The following CMTM4 variants were observed in gnomAD, a reference collection of about 807,000 sequenced individuals.
The protein encoded by CMTM4 is CKLF-like MARVEL transmembrane domain-containing protein 4.
In CMTM4, 8 loss-of-function variants were observed where a neutral mutation model predicts 19.0. That is an observed-to-expected ratio of 0.42 (90% CI 0.25 to 0.76). The LOEUF is 0.76. Ranked by LOEUF, CMTM4 falls within the 30% of genes least tolerant of loss-of-function variation. The pLI, the probability that CMTM4 is intolerant of heterozygous loss-of-function variation, is 0.27. For synonymous variants in CMTM4, 106 were observed against 121.1 expected (o/e 0.88, Z 0.82); for missense variants, 228 against 290.2 (o/e 0.79, Z 1.56).
At position 66,623,428 on chromosome 16, in the gene CMTM4, T is replaced by C; in HGVS notation, c.438A>G (p.Arg146=). 6.2e-7 allele frequency: 1 copy of C among 1,613,914 alleles called. No homozygotes were observed. The highest frequency in any genetic ancestry group is 8.5e-7 in the Non-Finnish European group (1 of 1,179,928). The part of the protein sequence containing the change: ...ASIVLAALNH[R]AGAEIAAVIF... Reference sequence around the variant, plus strand: ...CCACGGCAGCAATTTCTGCTCCGGCTCTATGGTTTAAAGCAGCCAGTACGA... The same window carrying C: ...CCACGGCAGCAATTTCTGCTCCGGCCCTATGGTTTAAAGCAGCCAGTACGA... The change falls in exon 3 of 4, where the codon AGA becomes AGG. Residue 146 remains arginine (R), a synonymous_variant. Transcript: ENST00000394106.
the CMTM4 span, chr16:66,604,817 A>AGACCCC: frequency 1.6e-4 from 201 of 1,282,200 alleles, 1 homozygote; most frequent in Non-Finnish European, 1.9e-4. Flanking sequence ...TGTGGCCCCC[A>AGACCCC]GACCCCGACC....
In CMTM4 at chr16:66,665,138, G is replaced by A. The variant is rs566878953; in HGVS notation, c.187-28557C>T. Among the ~76,000 whole-genome samples the A allele has an allele frequency of 2.3e-4, 35 of 151,434 alleles. No individual in the cohort carries two copies. In the South Asian group the frequency reaches 3.5e-3, roughly 15 times the overall value. On this transcript the variant is annotated intron_variant, in intron 1 of 3. Transcript: ENST00000394106. ...GTTTTGGTATTTTTTTGTAGAGACA[G>A]GGTTTTGCCACGTTGTCCAGGCTGG...
intron 1 of CMTM4, among the ~76,000 whole-genome samples, chr16:66,683,464 TG>T (rs1046383891): frequency 2.0e-5 from 3 of 150,666 alleles, no homozygotes; most frequent in Non-Finnish European, 3.0e-5. Flanking sequence ...GCTAATTTTT[TG>T]TATTTGCAAT....
At chr16:66,613,922 A>T (rs1463034444), downstream of CMTM4, 1 of 114,172 alleles carries the variant, frequency 8.8e-6, no homozygotes, top group African/African-American at 3.4e-5. Context: ...TTTTGGCACC[A>T]GGGACCAGTT....
chr16:66,609,930 G>A (rs779794941), downstream of CMTM4: 46 of 1,614,030 alleles, frequency 2.9e-5, 1 homozygote, highest in East Asian at 1.0e-3. The surrounding 1 kb of genome is among the most constrained non-coding windows in gnomAD (Gnocchi z 4.4). Flanking sequence ...ATTTCTACCT[G>A]ATCTTTAACG....
At chr16:66,630,906 C>G (rs1448345744) in intron 2 of CMTM4, among the ~76,000 whole-genome samples, 1 of 148,164 alleles carries the variant, frequency 6.7e-6, no homozygotes, top group South Asian at 2.2e-4. Context: ...GCCTCTGCCC[C>G]GCCGCCCCGT....
At chr16:66,631,129 C>T (rs1402887683) in intron 2 of CMTM4, among the ~76,000 whole-genome samples, 2 of 141,334 alleles carry the variant, frequency 1.4e-5, no homozygotes, top group East Asian at 2.4e-4. Context: ...AAGTGAGGAG[C>T]GTCTCTGCCC....
At chr16:66,690,808 G>A (rs1272138256) in intron 1 of CMTM4, among the ~76,000 whole-genome samples, 1 of 152,096 alleles carries the variant, frequency 6.6e-6, no homozygotes, top group Non-Finnish European at 1.5e-5. Flanking sequence ...GCTAAAATTT[G>A]CATTTAAACA....
chr16:66,616,307 G>A lies in CMTM4; in HGVS notation c.*5751C>T, dbSNP rs776844192. The A allele has an allele frequency of 2.6e-5, 4 of 152,108 alleles. No individual in the cohort carries two copies. Among genetic ancestry groups the A allele is most frequent in the Non-Finnish European group, 5.9e-5 (4 of 68,022 alleles). The allele number at this position is 152,108 out of a possible 1,614,324, so 9.4% of individuals were successfully genotyped here. A position where few individuals can be genotyped will look rare whatever the true frequency, so the allele number is the denominator to read the frequency against. ...CTTTGAAAAAAAAATAGTCATACTT[G>A]TAAATAAATAGTTTAGTGTTTCTGC... is the stretch of plus-strand genomic sequence containing the variant. On this transcript the variant is annotated 3_prime_UTR_variant, in exon 4 of 4. Transcript: ENST00000394106.
intron 1 of CMTM4, among the ~76,000 whole-genome samples, chr16:66,683,416 C>T (rs1029063225): frequency 2.0e-4 from 30 of 148,276 alleles, no homozygotes; most frequent in African/African-American, 7.5e-4. Context: ...CTCAGCCTCC[C>T]GAGCAGCTGG....
intron 1 of CMTM4, among the ~76,000 whole-genome samples, chr16:66,649,722 C>A (rs905989317): frequency 3.3e-5 from 5 of 152,142 alleles, no homozygotes; most frequent in African/African-American, 1.2e-4. Context: ...GAGTCAGGTC[C>A]AGAGCCCGAC....
downstream of CMTM4, chr16:66,612,460 T>C (rs2015415279): frequency 5.5e-6 from 4 of 726,222 alleles, no homozygotes; most frequent in East Asian, 1.1e-4. This position sits in a 1 kb window ranked among gnomAD's most constrained non-coding sequence, Gnocchi z 6.0. Context: ...CCTGCCCTGA[T>C]GCCAGCGATC....
At chr16:66,628,960 AG>A (rs1373698239) in intron 2 of CMTM4, among the ~76,000 whole-genome samples, 6 of 152,300 alleles carry the variant, frequency 3.9e-5, no homozygotes, top group African/African-American at 1.4e-4. Flanking sequence ...TTGGGTCATC[AG>A]ATGATTTTTT....
chr16:66,676,770 T>A (rs556227834), intron 1 of CMTM4, among the ~76,000 whole-genome samples: 1 of 152,344 alleles, frequency 6.6e-6, no homozygotes, highest in East Asian at 1.9e-4. Context: ...TACCAAGTGA[T>A]CACCACTGTG....
chr16:66,686,079 CCT>C (rs2017025432), intron 1 of CMTM4, among the ~76,000 whole-genome samples: 2 of 152,006 alleles, frequency 1.3e-5, no homozygotes, highest in Admixed American at 1.3e-4. Context: ...ATGGTGAAAC[CCT>C]GTCTCTACTA....
intron 2 of CMTM4, among the ~76,000 whole-genome samples, chr16:66,627,572 T>A (rs1039171492): frequency 1.3e-5 from 2 of 152,156 alleles, no homozygotes; most frequent in African/African-American, 4.8e-5. Context: ...TTCTCATTCC[T>A]CCCCCAACCC....
intron 1 of CMTM4, among the ~76,000 whole-genome samples, chr16:66,657,515 C>A (rs937026282): frequency 2.0e-5 from 3 of 152,068 alleles, no homozygotes; most frequent in Non-Finnish European, 2.9e-5. Context: ...TTAAAATATT[C>A]TATAAATATA....
Position 66,631,130 on chromosome 16 carries a change from G to A in CMTM4, c.363+5275C>T, listed in dbSNP as rs1393458830. Among the ~76,000 whole-genome samples the A allele has an allele frequency of 7.1e-5, 10 of 140,126 alleles. No homozygotes were observed. In the East Asian group the frequency reaches 9.9e-4, roughly 14 times the overall value. The allele number at this position is 140,126 out of a possible 152,430, so 91.9% of individuals were successfully genotyped here. ...CCACCCCATCTGGGAAGTGAGGAGCGTCTCTGCCCGGCAGCCACCCCGTCC... is the reference window on the plus strand; with the variant it reads ...CCACCCCATCTGGGAAGTGAGGAGCATCTCTGCCCGGCAGCCACCCCGTCC... On this transcript the variant is annotated intron_variant, in intron 2 of 3. Coordinates refer to ENST00000394106, the MANE Select transcript of CMTM4 (RefSeq NM_181521.3).
In CMTM4 at chr16:66,621,174, G is replaced by C; in HGVS notation, c.*884C>G. ...TGTGTGTGCATGTGTGCGCGCACGCGTGTGCATGCTGTTTTTTAACACAAA... is the reference window on the plus strand; with the variant it reads ...TGTGTGTGCATGTGTGCGCGCACGCCTGTGCATGCTGTTTTTTAACACAAA... On this transcript the variant is annotated 3_prime_UTR_variant, in exon 4 of 4. Transcript: ENST00000394106. 4 of 985,666 alleles carry C rather than the reference G, an allele frequency of 4.1e-6. No homozygotes were observed. Among genetic ancestry groups the C allele is most frequent in the Non-Finnish European group, 4.8e-6 (4 of 829,948 alleles). The allele number at this position is 985,666 out of a possible 1,614,324, so 61.1% of individuals were successfully genotyped here.
Sources: allele counts gnomAD v4.1 joint callset (sites outside exome capture counted in the v4.1 genomes callset), GRCh38; gene constraint gnomAD v4.1.1; non-coding constraint Gnocchi (gnomAD v3.1); transcripts MANE v1.5; gene names NCBI Gene and HGNC (gene_info 2026-07-23, HGNC 2026-07-21).